Variants in BORCS5 observed in about 807,000 individuals in gnomAD.
The protein encoded by BORCS5 is BLOC-1-related complex subunit 5.
Under a neutral mutation model 22.1 loss-of-function variants are expected in BORCS5, and 17 were observed. The ratio of observed to expected loss-of-function variants is 0.77; its 90% CI spans 0.53 to 1.15. The LOEUF (loss-of-function observed/expected upper bound fraction) is 1.15. BORCS5 is among the 50% of genes most tolerant of loss of function. The pLI, the probability that BORCS5 is intolerant of heterozygous loss-of-function variation, is 0.00. For synonymous variants in BORCS5, 117 were observed against 99.8 expected (o/e 1.17, Z -1.03); for missense variants, 247 against 253.2 (o/e 0.98, Z 0.17).
intron 1 of BORCS5, among the ~76,000 whole-genome samples, chr12:12,358,852 C>T (rs1303037145): frequency 6.6e-6 from 1 of 152,062 alleles, no homozygotes. Context: ...AGGTAAATTA[C>T]CAAAACAGGT....
At position 12,357,338 on chromosome 12, in the gene BORCS5, G is replaced by A. The variant is rs1237815502; in HGVS notation, c.-114G>A. On this transcript the variant is annotated 5_prime_UTR_variant, in exon 1 of 4. Coordinates refer to ENST00000314565, the MANE Select transcript of BORCS5 (RefSeq NM_058169.6). ...CCCCACACATTAGCCTCGCTGCGGC[G>A]CCCAGACTCTGCTTTGCCTCCCCGT... The A allele has an allele frequency of 2.7e-6, 4 of 1,483,722 alleles. No homozygotes were observed. Among genetic ancestry groups the A allele is most frequent in the African/African-American group, 2.8e-5 (2 of 71,422 alleles). 91.9% of individuals were successfully genotyped at this position (1,483,722 alleles called of 1,614,324 possible).
chr12:12,400,947 TCTTTTC>T (rs1216501854), intron 2 of BORCS5, among the ~76,000 whole-genome samples: 5 of 152,076 alleles, frequency 3.3e-5, no homozygotes, highest in Admixed American at 2.6e-4. Context: ...CTTTCTTTTT[TCTTTTC>T]CTTATAATTT....
At chr12:12,445,880 G>C (rs571634559) in intron 3 of BORCS5, among the ~76,000 whole-genome samples, 1 of 149,040 alleles carries the variant, frequency 6.7e-6, no homozygotes, top group Non-Finnish European at 1.5e-5. Context: ...CTGGCCTCAA[G>C]CAGTCCTCCC....
At chr12:12,417,424 A>G (rs934957124) in intron 2 of BORCS5, among the ~76,000 whole-genome samples, 1 of 152,138 alleles carries the variant, frequency 6.6e-6, no homozygotes, top group African/African-American at 2.4e-5. Context: ...CTTGAGAAGA[A>G]TGTGTATTCT....
In BORCS5 at chr12:12,357,124, T is replaced by A; in HGVS notation, c.-328T>A. The stretch of plus-strand genomic sequence containing the variant: ...AGCTTGCGGAGCGTGAACCAGTGAG[T>A]GAAAGCGGCGCCGCCCGCCGGCCGC... On this transcript the variant is annotated 5_prime_UTR_variant, in exon 1 of 4. Coordinates refer to ENST00000314565, the MANE Select transcript of BORCS5 (RefSeq NM_058169.6). 1 of 1,534,122 alleles carries A rather than the reference T, an allele frequency of 6.5e-7. No individual in the cohort carries two copies.
rs765018095 is a variant in BORCS5 at position 12,357,348 on chromosome 12, T to C, written c.-104T>C. On this transcript the variant is annotated 5_prime_UTR_variant, in exon 1 of 4. Coordinates refer to ENST00000314565, the MANE Select transcript of BORCS5 (RefSeq NM_058169.6). The stretch of plus-strand genomic sequence containing the variant: ...TAGCCTCGCTGCGGCGCCCAGACTC[T>C]GCTTTGCCTCCCCGTCCCGGTCCCT... 6.7e-7 allele frequency: 1 copy of C among 1,498,464 alleles called. No individual in the cohort carries two copies. The highest frequency in any genetic ancestry group is 1.3e-5 in the South Asian group (1 of 77,836). 92.8% of individuals were successfully genotyped at this position (1,498,464 alleles called of 1,614,324 possible). A position where few individuals can be genotyped will look rare whatever the true frequency, so the allele number is the denominator to read the frequency against.
chr12:12,463,174 T>G (rs1340172805), intron 3 of BORCS5, among the ~76,000 whole-genome samples: 1 of 152,178 alleles, frequency 6.6e-6, no homozygotes, highest in Non-Finnish European at 1.5e-5. Flanking sequence ...ACATCAAATG[T>G]GTTACAATGA....
chr12:12,408,962 A>T (rs1941652902), intron 2 of BORCS5, among the ~76,000 whole-genome samples: 1 of 152,118 alleles, frequency 6.6e-6, no homozygotes. Context: ...TCAGAAGTGG[A>T]ATTGCTGGAT....
intron 2 of BORCS5, among the ~76,000 whole-genome samples, chr12:12,380,109 T>C (rs1369793060): frequency 6.6e-6 from 1 of 151,272 alleles, no homozygotes; most frequent in African/African-American, 2.4e-5. Flanking sequence ...TCAGTTTAAG[T>C]TTCCTGTTTT....
At chr12:12,383,215 C>G (rs1319080128) in intron 2 of BORCS5, among the ~76,000 whole-genome samples, 1 of 151,266 alleles carries the variant, frequency 6.6e-6, no homozygotes, top group Non-Finnish European at 1.5e-5. Flanking sequence ...TTATCAGAGT[C>G]TACTTCAGAT....
At chr12:12,406,193 C>T (rs1029021831) in intron 2 of BORCS5, among the ~76,000 whole-genome samples, 2 of 152,228 alleles carry the variant, frequency 1.3e-5, no homozygotes, top group African/African-American at 4.8e-5. Flanking sequence ...TTATTGCCAA[C>T]TCATTGTGTC....
chr12:12,427,401 C>T lies in BORCS5; in HGVS notation c.203-8227C>T, dbSNP rs564298610. Among the ~76,000 whole-genome samples the T allele has an allele frequency of 1.3e-4, 20 of 151,978 alleles. 1 individual carries two copies. Among genetic ancestry groups the T allele is most frequent in the South Asian group, 6.2e-4 (3 of 4,826 alleles). On this transcript the variant is annotated intron_variant, in intron 2 of 3. Coordinates refer to ENST00000314565, the MANE Select transcript of BORCS5 (RefSeq NM_058169.6). ...TTCACCGTGTTAGCCAGGATGGTCT[C>T]GATATCCTGACCTTGTGATGGGCCC...
At chr12:12,452,003 C>G in intron 3 of BORCS5, 1 of 316,344 alleles carries the variant, frequency 3.2e-6, no homozygotes, top group Non-Finnish European at 6.2e-6. Context: ...AGTACCTTGA[C>G]TTAAATCCAA....
chr12:12,400,589 G>GAAA (rs34678519), intron 2 of BORCS5, among the ~76,000 whole-genome samples: 21 of 138,838 alleles, frequency 1.5e-4, no homozygotes, highest in African/African-American at 2.9e-4. Context: ...TCAGCATACA[G>GAAA]AAAAAAAAAA....
intron 3 of BORCS5, among the ~76,000 whole-genome samples, chr12:12,446,432 A>G (rs1414999812): frequency 6.6e-6 from 1 of 152,160 alleles, no homozygotes; most frequent in African/African-American, 2.4e-5. Context: ...TTATCAGGTT[A>G]TTTGACCAAT....
chr12:12,363,938 A>C (rs1234261483), intron 2 of BORCS5, among the ~76,000 whole-genome samples: 1 of 152,170 alleles, frequency 6.6e-6, no homozygotes. Flanking sequence ...AACTTAGCCA[A>C]AACTTAACTA....
chr12:12,428,903 A>G (rs1942354415), intron 2 of BORCS5, among the ~76,000 whole-genome samples: 1 of 152,240 alleles, frequency 6.6e-6, no homozygotes. Flanking sequence ...TCCTAAGTGT[A>G]AAAAACATTT....
rs1160420980 is a variant in BORCS5 at position 12,389,277 on chromosome 12, A to G, written c.202+27928A>G. 2.7e-5 allele frequency among the ~76,000 whole-genome samples: 4 copies of G among 149,104 alleles called. 1 individual carries two copies. The highest frequency in any genetic ancestry group is 1.4e-4 in the Admixed American group (2 of 14,790). ...CTCAGCCTCCCAAGTAGCTGGGATT[A>G]CAGGCGCCCACCACCACGCCTGGCT... On this transcript the variant is annotated intron_variant, in intron 2 of 3. Coordinates refer to ENST00000314565, the MANE Select transcript of BORCS5 (RefSeq NM_058169.6).
intron 2 of BORCS5, among the ~76,000 whole-genome samples, chr12:12,426,447 T>C (rs1325732605): frequency 6.6e-6 from 1 of 152,216 alleles, no homozygotes; most frequent in East Asian, 1.9e-4. Flanking sequence ...CACTGAGGTG[T>C]GTCGTTTGTG....
Sources: allele counts gnomAD v4.1 joint callset (sites outside exome capture counted in the v4.1 genomes callset), GRCh38; gene constraint gnomAD v4.1.1; transcripts MANE v1.5; gene names NCBI Gene and HGNC (gene_info 2026-07-23, HGNC 2026-07-21).